Variants in FBXL3 observed in about 807,000 individuals in gnomAD.
FBXL3 encodes F-box and leucine rich repeat protein 3.
Under a neutral mutation model 37.9 loss-of-function variants are expected in FBXL3, and 14 were observed. The observed-to-expected ratio is 0.37, with a 90% confidence interval of 0.24 to 0.58. FBXL3 has a LOEUF of 0.58. Ranked by LOEUF, FBXL3 falls within the 20% of genes least tolerant of loss-of-function variation. The probability of loss-of-function intolerance (pLI) is 0.74; values close to 1 mark genes in which losing one functional copy is unlikely to be tolerated. For synonymous variants in FBXL3, 194 were observed against 180.1 expected (o/e 1.08, Z -0.62); for missense variants, 327 against 511.1 (o/e 0.64, Z 3.47).
intron 1 of FBXL3, chr13:77,026,374 TGC>T (rs2034838344): frequency 2.0e-6 from 2 of 985,322 alleles, no homozygotes; most frequent in African/African-American, 3.5e-5. Context: ...ACATTTCTCA[TGC>T]GCCCCACCCT....
chr13:77,021,929 T>G (rs1421215118), intron 1 of FBXL3, 68 bp from the exon 2 acceptor site: 9 of 1,286,484 alleles, frequency 7.0e-6, no homozygotes, highest in African/African-American at 1.5e-5. Flanking sequence ...CAAAATTCAT[T>G]CTTCTGTCAC....
intron 4 of FBXL3, chr13:77,015,109 T>G (rs2034620372): frequency 5.4e-6 from 1 of 184,524 alleles, no homozygotes; most frequent in Non-Finnish European, 1.1e-5. Flanking sequence ...AAAACTCTAC[T>G]GTAATTAATG....
intron 1 of FBXL3, among the ~76,000 whole-genome samples, chr13:77,025,435 C>G (rs2034819197): frequency 6.6e-6 from 1 of 152,146 alleles, no homozygotes; most frequent in Non-Finnish European, 1.5e-5. Context: ...GTTCCATAAA[C>G]TTTCCAGGTG....
chr13:77,026,890 G>T lies in FBXL3; in HGVS notation c.-65C>A. On this transcript the variant is annotated 5_prime_UTR_variant, in exon 1 of 5. Coordinates refer to ENST00000355619, the MANE Select transcript of FBXL3 (RefSeq NM_012158.4). ...GCTCCGGGGACGGCGGCGGCTGCAGGTCCCGCGGCTCTCACATGAGGCGCC... is the reference window on the plus strand; with the variant it reads ...GCTCCGGGGACGGCGGCGGCTGCAGTTCCCGCGGCTCTCACATGAGGCGCC... 6.6e-6 allele frequency: 1 copy of T among 151,562 alleles called. No homozygotes were observed. The highest frequency in any genetic ancestry group is 1.5e-5 in the Non-Finnish European group (1 of 67,922). The allele number at this position is 151,562 out of a possible 1,614,324, so 9.4% of individuals were successfully genotyped here. A position where few individuals can be genotyped will look rare whatever the true frequency, so the allele number is the denominator to read the frequency against.
intron 3 of FBXL3, chr13:77,017,574 G>C (rs1182310294): frequency 6.6e-6 from 1 of 152,136 alleles, no homozygotes. Context: ...AGGCTATTCA[G>C]AAGATTTTTA....
Position 77,021,712 on chromosome 13 carries a change from T to C in FBXL3, c.149A>G (p.Tyr50Cys). The change falls in exon 2 of 5, where the codon TAT (tyrosine) becomes TGT (cysteine). Residue 50 changes from tyrosine to cysteine, a missense_variant. Physicochemically the swap from Tyr to Cys is radical, Grantham distance 194 (BLOSUM62 -2). Transcript: ENST00000355619. ...ATGAGCCCGGTCAAGAAGAGGCAAA[T>C]ATTTAAATACTTGGAGAATAATGTC... ...LQDIILQVFK[Y>C]LPLLDRAHAS... is the part of the protein sequence containing the mutation. The C allele has an allele frequency of 6.2e-7, 1 of 1,613,942 alleles. No homozygotes were observed. Among genetic ancestry groups the C allele is most frequent in the Non-Finnish European group, 8.5e-7 (1 of 1,180,008 alleles).
chr13:77,026,401 G>A, intron 1 of FBXL3: 2 of 981,586 alleles, frequency 2.0e-6, no homozygotes, highest in Non-Finnish European at 2.4e-6. Flanking sequence ...AGTTTGCTTT[G>A]ACATTTCAGT....
In FBXL3 at chr13:77,006,670, AGATAT is replaced by A. The variant is rs1313874311; in HGVS notation, c.*470_*474del. The A allele has an allele frequency of 2.0e-5, 6 of 294,986 alleles. No homozygotes were observed. The highest frequency in any genetic ancestry group is 3.0e-5 in the Non-Finnish European group (6 of 197,630). The allele number at this position is 294,986 out of a possible 1,614,324, so 18.3% of individuals were successfully genotyped here. ...GAACATTCATCCAATCTTTTCCATT[AGATAT>A]GATATATTCATTTTTCTCACAAAAT... On this transcript the variant is annotated 3_prime_UTR_variant, in exon 5 of 5. Coordinates refer to ENST00000355619, the MANE Select transcript of FBXL3 (RefSeq NM_012158.4).
At chr13:77,014,335 G>A (rs1249383611) in intron 4 of FBXL3, 1 of 152,222 alleles carries the variant, frequency 6.6e-6, no homozygotes. Context: ...ATGAAGCCAG[G>A]AAGCACAGAC....
chr13:77,015,598 T>A lies in FBXL3; in HGVS notation c.472-18A>T, dbSNP rs776899715. 29 of 1,458,902 alleles carry A rather than the reference T, an allele frequency of 2.0e-5. No homozygotes were observed. Among genetic ancestry groups the A allele is most frequent in the Admixed American group, 4.9e-5 (2 of 40,694 alleles). The allele number at this position is 1,458,902 out of a possible 1,614,324, so 90.4% of individuals were successfully genotyped here. On this transcript the variant is annotated intron_variant, in intron 3 of 4. Transcript: ENST00000355619. ...AAGTGAGACTGAAAAGCAAAAAAAA[T>A]AAAATAAAAATTATTTCAATTTTTA...
Position 77,005,291 on chromosome 13 carries a change from A to T in FBXL3, c.*1854T>A, listed in dbSNP as rs2154035701. The T allele has an allele frequency of 6.5e-6, 1 of 152,746 alleles. No homozygotes were observed. Among genetic ancestry groups the T allele is most frequent in the South Asian group, 2.1e-4 (1 of 4,832 alleles). 9.5% of individuals were successfully genotyped at this position (152,746 alleles called of 1,614,324 possible). On this transcript the variant is annotated 3_prime_UTR_variant, in exon 5 of 5. Coordinates refer to ENST00000355619, the MANE Select transcript of FBXL3 (RefSeq NM_012158.4). ...AGTAACTTTTTATTCTCAAAGTGAT[A>T]AAAGCATTTAACATATACTTTACAG...
chr13:77,013,553 G>C (rs1363272085), intron 4 of FBXL3: 1 of 152,130 alleles, frequency 6.6e-6, no homozygotes, highest in African/African-American at 2.4e-5. Flanking sequence ...TGGGCCAACT[G>C]GTTCTGCCAT....
At chr13:77,019,116 ACAT>A (rs2034697161) in intron 2 of FBXL3, 1 of 155,184 alleles carries the variant, frequency 6.4e-6, no homozygotes, top group African/African-American at 2.4e-5. Flanking sequence ...GTAGTGGATC[ACAT>A]AATAGATGTA....
rs1022478335 is a variant in FBXL3, at chr13:77,026,236, A to G, written c.-2+591T>C. Reference sequence around the variant, plus strand: ...CTGACCCCTGTCTGCAACCCCACCTAAAGGACTGCCCACGCCAAAGGCAGA... The same window carrying G: ...CTGACCCCTGTCTGCAACCCCACCTGAAGGACTGCCCACGCCAAAGGCAGA... On this transcript the variant is annotated intron_variant, in intron 1 of 4. Transcript: ENST00000355619. The G allele has an allele frequency of 8.1e-6, 8 of 985,256 alleles. No individual in the cohort carries two copies. The Admixed American group carries it at 3.1e-4, about 38-fold the overall frequency. 61.0% of individuals were successfully genotyped at this position (985,256 alleles called of 1,614,324 possible).
intron 2 of FBXL3, 49 bp from the exon 3 acceptor site, chr13:77,018,771 CT>C (rs752957098): frequency 1.7e-5 from 24 of 1,451,946 alleles, no homozygotes; most frequent in Non-Finnish European, 2.0e-5. Flanking sequence ...TATTTTTTTA[CT>C]TTTTTCCCCA....
chr13:77,025,687 C>CAAAAAAAA (rs35934318), intron 1 of FBXL3, among the ~76,000 whole-genome samples: 4 of 73,968 alleles, frequency 5.4e-5, no homozygotes, highest in Non-Finnish European at 4.7e-5. Context: ...GTCCTTGTCT[C>CAAAAAAAA]AAAAAAAAAA....
Position 77,021,701 on chromosome 13 carries a change from G to C in FBXL3, c.160C>G (p.Leu54Val), listed in dbSNP as rs1361056308. The change falls in exon 2 of 5, where the codon CTT becomes GTT. Residue 54 changes from leucine to valine, a missense_variant. Leu to Val is a conservative substitution (Grantham distance 32). Transcript: ENST00000355619. ...ACTTGTGAAGCATGAGCCCGGTCAA[G>C]AAGAGGCAAATATTTAAATACTTGG... Reference protein sequence around the residue: ...ILQVFKYLPLLDRAHASQVCR... With the variant: ...ILQVFKYLPLVDRAHASQVCR... The C allele has an allele frequency of 6.2e-7, 1 of 1,614,056 alleles. No individual in the cohort carries two copies.
chr13:77,008,407 C>T (rs2034489777), intron 4 of FBXL3, among the ~76,000 whole-genome samples: 1 of 152,166 alleles, frequency 6.6e-6, no homozygotes, highest in Non-Finnish European at 1.5e-5. Flanking sequence ...TGGAAATATT[C>T]ATTATGACTT....
At chr13:77,011,802 C>G (rs2034559478) in intron 4 of FBXL3, among the ~76,000 whole-genome samples, 1 of 151,922 alleles carries the variant, frequency 6.6e-6, no homozygotes. Flanking sequence ...GTTTACACCC[C>G]CTAGCATGGC....
Sources: gnomAD v4.1 joint callset for allele counts (sites outside exome capture counted in the v4.1 genomes callset) on GRCh38, gnomAD v4.1.1 for gene constraint, MANE v1.5 for transcripts, NCBI Gene and HGNC (gene_info 2026-07-23, HGNC 2026-07-21) for gene names.